CACNA2D1: variants seen among roughly 807,000 people sequenced by gnomAD.
The protein encoded by CACNA2D1 is voltage-dependent calcium channel subunit alpha-2/delta-1.
A neutral mutation model predicts 171.5 loss-of-function variants in CACNA2D1; 53 were observed. The observed-to-expected ratio is 0.31, with a 90% CI of 0.25 to 0.39. The LOEUF is 0.39. Among genes scored for constraint, CACNA2D1 ranks in the 10% least tolerant of loss-of-function variants. The probability of loss-of-function intolerance (pLI) is 1.00; values close to 1 mark genes in which losing one functional copy is unlikely to be tolerated. For synonymous variants in CACNA2D1, 442 were observed against 443.1 expected (o/e 1.00, Z 0.03); for missense variants, 903 against 1,299.8 (o/e 0.69, Z 4.69).
In CACNA2D1 at chr7:81,984,596, A is replaced by G. The variant is rs377112177; in HGVS notation, c.1873+39T>C. 5.9e-5 allele frequency: 64 copies of G among 1,088,856 alleles called. No individual in the cohort carries two copies. The African/African-American group carries it at 7.4e-4, about 13-fold the overall frequency. The allele number at this position is 1,088,856 out of a possible 1,614,324, so 67.4% of individuals were successfully genotyped here. A position where few individuals can be genotyped will look rare whatever the true frequency, so the allele number is the denominator to read the frequency against. ...GTATTTAAACATCTGATACTAGGAGATAACAAATGGACCCTGAAGTCACTT... is the reference window on the plus strand; with the variant it reads ...GTATTTAAACATCTGATACTAGGAGGTAACAAATGGACCCTGAAGTCACTT... On this transcript the variant is annotated intron_variant, in intron 22 of 38. Coordinates refer to ENST00000356860, the MANE Select transcript of CACNA2D1 (RefSeq NM_000722.4).
At position 81,947,169 on chromosome 7, in the gene CACNA2D1, G is replaced by A. The variant is rs1462036696; in HGVS notation, c.*3223C>T. 6.6e-6 allele frequency: 1 copy of A among 151,872 alleles called. No individual in the cohort carries two copies. The highest frequency in any genetic ancestry group is 1.5e-5 in the Non-Finnish European group (1 of 67,916). 9.4% of individuals were successfully genotyped at this position (151,872 alleles called of 1,614,324 possible). A position where few individuals can be genotyped will look rare whatever the true frequency, so the allele number is the denominator to read the frequency against. On this transcript the variant is annotated 3_prime_UTR_variant, in exon 39 of 39. Coordinates refer to ENST00000356860, the MANE Select transcript of CACNA2D1 (RefSeq NM_000722.4). ...TGGTCACAGACAAAGATTTAAATGA[G>A]ATTTAAAATACAAGAGAGCATCAAA...
At chr7:82,113,920 T>C (rs967981866) in intron 6 of CACNA2D1, among the ~76,000 whole-genome samples, 6 of 152,164 alleles carry the variant, frequency 3.9e-5, no homozygotes, top group African/African-American at 1.4e-4. Context: ...ATGCCAATAT[T>C]AAGATGAATG....
chr7:81,963,108 A>T (rs1278900780), intron 34 of CACNA2D1, among the ~76,000 whole-genome samples: 1 of 152,022 alleles, frequency 6.6e-6, no homozygotes, highest in African/African-American at 2.4e-5. Flanking sequence ...GATAAAGCCA[A>T]GTATTTCAGG....
At position 82,391,984 on chromosome 7, in the gene CACNA2D1, T is replaced by G. The variant is rs149539316; in HGVS notation, c.96-42335A>C. Among the ~76,000 whole-genome samples the G allele has an allele frequency of 3.8e-3, 580 of 152,280 alleles. 5 individuals are homozygous for G. Among genetic ancestry groups the G allele is most frequent in the African/African-American group, 0.013 (520 of 41,560 alleles). The stretch of plus-strand genomic sequence containing the variant: ...ACACTGATAGTGGCAAGAAGCAGAC[T>G]AATCCCTAGGCAGACAGGGGCAGGT... On this transcript the variant is annotated intron_variant, in intron 1 of 38. Transcript: ENST00000356860.
intron 1 of CACNA2D1, among the ~76,000 whole-genome samples, chr7:82,394,496 C>T (rs11773027): frequency 0.93 from 140,833 of 152,236 alleles, 65,283 homozygotes; most frequent in East Asian, 1. Flanking sequence ...TGGATAGATA[C>T]AGCCAGGTTA....
At chr7:82,246,093 A>T (rs1009870916) in intron 3 of CACNA2D1, among the ~76,000 whole-genome samples, 1 of 151,916 alleles carries the variant, frequency 6.6e-6, no homozygotes, top group Admixed American at 6.6e-5. Context: ...AAGAATATTC[A>T]TTTATTTTAT....
chr7:81,986,991 T>C (rs564403488), intron 21 of CACNA2D1, among the ~76,000 whole-genome samples: 3 of 152,294 alleles, frequency 2.0e-5, no homozygotes, highest in African/African-American at 7.2e-5. Context: ...GATAACATTA[T>C]ATCATACAAC....
chr7:82,200,689 C>A (rs1488152392), intron 3 of CACNA2D1, among the ~76,000 whole-genome samples: 2 of 151,402 alleles, frequency 1.3e-5, no homozygotes. Flanking sequence ...GTGAACACAC[C>A]CTATTTACAA....
chr7:82,014,246 T>A (rs1423050345), intron 13 of CACNA2D1, among the ~76,000 whole-genome samples, 155 bp downstream of exon 13: 1 of 152,190 alleles, frequency 6.6e-6, no homozygotes, highest in Non-Finnish European at 1.5e-5. Context: ...AAAATTGGTA[T>A]GTGTTTTCTC....
chr7:82,302,965 CACA>C (rs1267843279), intron 3 of CACNA2D1, among the ~76,000 whole-genome samples: 2 of 152,068 alleles, frequency 1.3e-5, no homozygotes, highest in East Asian at 3.9e-4. Context: ...GGAGAAATGA[CACA>C]ACATTTGGTT....
Position 82,012,362 on chromosome 7 carries a change from C to G in CACNA2D1, c.1273-119G>C, listed in dbSNP as rs37134. On this transcript the variant is annotated intron_variant, in intron 14 of 38. Coordinates refer to ENST00000356860, the MANE Select transcript of CACNA2D1 (RefSeq NM_000722.4). ...ATGAATATAGAATCAAAATTATTGACACTGAATATATAATCAGTTAATTTC... is the reference window on the plus strand; with the variant it reads ...ATGAATATAGAATCAAAATTATTGAGACTGAATATATAATCAGTTAATTTC... The G allele has an allele frequency of 0.45, 302,141 of 678,076 alleles. 73,067 individuals are homozygous for G. The highest frequency in any genetic ancestry group is 0.84 in the African/African-American group (46,421 of 55,478). The allele number at this position is 678,076 out of a possible 1,614,324, so 42.0% of individuals were successfully genotyped here. A position where few individuals can be genotyped will look rare whatever the true frequency, so the allele number is the denominator to read the frequency against.
intron 6 of CACNA2D1, among the ~76,000 whole-genome samples, chr7:82,088,618 A>T (rs1810765296): frequency 6.6e-6 from 1 of 152,154 alleles, no homozygotes. Context: ...ATAATGTTTA[A>T]TATAAAAATT....
At chr7:82,043,428 G>C (rs974089514) in intron 10 of CACNA2D1, among the ~76,000 whole-genome samples, 2 of 152,132 alleles carry the variant, frequency 1.3e-5, no homozygotes, top group East Asian at 3.8e-4. Context: ...CAGATAAACT[G>C]CCTCAGCTGT....
intron 3 of CACNA2D1, among the ~76,000 whole-genome samples, chr7:82,220,781 CTTTT>C (rs71093369): frequency 2.2e-5 from 3 of 134,442 alleles, no homozygotes; most frequent in Admixed American, 1.6e-4. Context: ...TTTCTTTTTT[CTTTT>C]TTTTTTTTTT....
rs545055089 is a variant in CACNA2D1, at chr7:82,403,784, A to C, written c.95+39581T>G. ...GGGAAGCAATCCCAGTGTCCTCCTC[A>C]ATCTCCTTCCAAGGCTGACAGTGGC... On this transcript the variant is annotated intron_variant, in intron 1 of 38. Coordinates refer to ENST00000356860, the MANE Select transcript of CACNA2D1 (RefSeq NM_000722.4). Among the ~76,000 whole-genome samples, 33 of 152,152 alleles carry C rather than the reference A, an allele frequency of 2.2e-4. 1 individual carries two copies. Among genetic ancestry groups the C allele is most frequent in the Non-Finnish European group, 3.5e-4 (24 of 68,024 alleles).
intron 4 of CACNA2D1, among the ~76,000 whole-genome samples, chr7:82,146,729 G>A (rs912375055): frequency 6.6e-6 from 1 of 151,044 alleles, no homozygotes; most frequent in Non-Finnish European, 1.5e-5. Flanking sequence ...ACTCAGGCCT[G>A]TAATCCCAGC....
intron 3 of CACNA2D1, among the ~76,000 whole-genome samples, chr7:82,214,211 G>C (rs1800864287): frequency 6.6e-6 from 1 of 152,102 alleles, no homozygotes; most frequent in African/African-American, 2.4e-5. Context: ...TCAGTCCATT[G>C]CAACACTGGA....
intron 18 of CACNA2D1, among the ~76,000 whole-genome samples, chr7:82,002,829 C>T (rs767690043): frequency 2.6e-5 from 4 of 151,522 alleles, no homozygotes; most frequent in Middle Eastern, 3.4e-3. Flanking sequence ...GTGAAAAGTC[C>T]GTAGCTATTT....
chr7:82,395,157 T>C lies in CACNA2D1; in HGVS notation c.96-45508A>G, dbSNP rs541393542. 7.9e-5 allele frequency among the ~76,000 whole-genome samples: 12 copies of C among 151,704 alleles called. No homozygotes were observed. The East Asian group carries it at 2.3e-3, about 29-fold the overall frequency. On this transcript the variant is annotated intron_variant, in intron 1 of 38. Transcript: ENST00000356860. ...AAAAATGTATCAAATGCCTGTTATA[T>C]GTTGAGTACTATTCTAGACACTAAA...
Sources: gnomAD v4.1 joint callset for allele counts (sites outside exome capture counted in the v4.1 genomes callset) on GRCh38, gnomAD v4.1.1 for gene constraint, MANE v1.5 for transcripts, NCBI Gene and HGNC (gene_info 2026-07-23, HGNC 2026-07-21) for gene names.